Variants in DAB1 observed in about 807,000 individuals in gnomAD.
DAB1 encodes DAB adaptor protein 1, also known as disabled homolog 1.
A neutral mutation model predicts 64.6 loss-of-function variants in DAB1; 15 were observed. The observed-to-expected ratio is 0.23, with a 90% CI of 0.16 to 0.36. The LOEUF (loss-of-function observed/expected upper bound fraction) is 0.36, where lower values mean the gene tolerates loss of function less well. DAB1 is among the 10% of genes least tolerant of loss of function. The probability of loss-of-function intolerance (pLI) is 1.00; values close to 1 mark genes in which losing one functional copy is unlikely to be tolerated. For missense variants in DAB1, 596 were observed against 706.7 expected, an observed-to-expected ratio of 0.84 and a Z score of 1.78; for synonymous variants, 235 against 251.9, an observed-to-expected ratio of 0.93 and a Z score of 0.64.
intron 6 of DAB1, among the ~76,000 whole-genome samples, chr1:57,708,964 G>A (rs1375162587): frequency 2.6e-5 from 4 of 152,014 alleles, no homozygotes; most frequent in Non-Finnish European, 5.9e-5. Context: ...TGTTCCTGCA[G>A]GAAACAATCA....
chr1:58,419,577 T>G (rs1241358867), intron 3 of DAB1, among the ~76,000 whole-genome samples: 1 of 152,174 alleles, frequency 6.6e-6, no homozygotes, highest in African/African-American at 2.4e-5. Flanking sequence ...CAGGCTCCTC[T>G]CACATCTCTC....
chr1:58,141,630 A>C (rs897864436), intron 5 of DAB1, among the ~76,000 whole-genome samples: 1 of 152,046 alleles, frequency 6.6e-6, no homozygotes, highest in African/African-American at 2.4e-5. Context: ...TGATCCAATC[A>C]CCTCCAACCA....
intron 4 of DAB1, among the ~76,000 whole-genome samples, chr1:58,330,560 A>T (rs956441100): frequency 6.6e-6 from 1 of 152,244 alleles, no homozygotes; most frequent in Non-Finnish European, 1.5e-5. Flanking sequence ...AGAAAAGTCA[A>T]TGCCTGGTTT....
intron 4 of DAB1, among the ~76,000 whole-genome samples, chr1:58,217,778 A>G (rs1250517018): frequency 6.6e-6 from 1 of 152,172 alleles, no homozygotes; most frequent in Non-Finnish European, 1.5e-5. Flanking sequence ...CTTATTATGT[A>G]GCATGCACTT....
intron 5 of DAB1, among the ~76,000 whole-genome samples, chr1:57,998,167 T>C (rs1646454894): frequency 6.6e-6 from 1 of 152,154 alleles, no homozygotes; most frequent in African/African-American, 2.4e-5. Context: ...CACACGTAGG[T>C]ATAGGACAGT....
intron 3 of DAB1, among the ~76,000 whole-genome samples, chr1:58,405,216 T>C (rs939799149): frequency 3.3e-5 from 5 of 152,180 alleles, no homozygotes; most frequent in African/African-American, 1.2e-4. Flanking sequence ...ATTCTTCTCA[T>C]AGCTGGTTCC....
chr1:58,442,237 C>T (rs1480339980), intron 3 of DAB1, among the ~76,000 whole-genome samples: 3 of 152,192 alleles, frequency 2.0e-5, no homozygotes, highest in East Asian at 1.9e-4. Context: ...GCATCCAACT[C>T]AGGAAACTCA....
At chr1:57,085,852 A>G (rs1653021771) in intron 4 of DAB1, among the ~76,000 whole-genome samples, 1 of 152,202 alleles carries the variant, frequency 6.6e-6, no homozygotes, top group East Asian at 1.9e-4. Context: ...TTTATGCAAT[A>G]GTAAAGGCAT....
At position 57,693,782 on chromosome 1, in the gene DAB1, G is replaced by A. The variant is rs188153731; in HGVS notation, n.552-44117C>T. 3.8e-3 allele frequency among the ~76,000 whole-genome samples: 571 copies of A among 152,172 alleles called. 4 individuals are homozygous for A. The highest frequency in any genetic ancestry group is 0.013 in the African/African-American group (552 of 41,526). On this transcript the variant is annotated intron_variant and non_coding_transcript_variant, in intron 6 of 20. Transcript: ENST00000485760. ...GGAAGAAACTCTGGATGTGTCTGAAGGAACAAACTCCAGAAACACCATCTT... is the reference window on the plus strand; with the variant it reads ...GGAAGAAACTCTGGATGTGTCTGAAAGAACAAACTCCAGAAACACCATCTT...
intron 6 of DAB1, among the ~76,000 whole-genome samples, chr1:57,807,745 C>T (rs1651432540): frequency 6.6e-6 from 1 of 151,910 alleles, no homozygotes; most frequent in Non-Finnish European, 1.5e-5. Context: ...CCTTTAACGT[C>T]CTTCATCTCT....
intron 3 of DAB1, among the ~76,000 whole-genome samples, chr1:58,404,534 C>A (rs1461510159): frequency 6.6e-6 from 1 of 152,184 alleles, no homozygotes; most frequent in Non-Finnish European, 1.5e-5. Flanking sequence ...TCAGGGCTTA[C>A]CTAGATTAAG....
chr1:58,448,465 G>C (rs1645096503), intron 3 of DAB1, among the ~76,000 whole-genome samples: 1 of 152,172 alleles, frequency 6.6e-6, no homozygotes, highest in Non-Finnish European at 1.5e-5. Flanking sequence ...TTGGAGCACA[G>C]ATGAATCTGA....
At chr1:57,326,436 G>T (rs1339666709) in intron 1 of DAB1, among the ~76,000 whole-genome samples, 5 of 152,144 alleles carry the variant, frequency 3.3e-5, no homozygotes, top group Admixed American at 3.3e-4. Flanking sequence ...ACAGGTGACT[G>T]AAAGAGGGTA....
intron 4 of DAB1, among the ~76,000 whole-genome samples, chr1:57,127,579 C>T (rs1446340270): frequency 6.6e-6 from 1 of 152,052 alleles, no homozygotes. Flanking sequence ...AAAGTGGGGA[C>T]CTTCATTTAG....
intron 1 of DAB1, among the ~76,000 whole-genome samples, chr1:57,372,944 A>C (rs1421988173): frequency 6.6e-6 from 1 of 151,824 alleles, no homozygotes; most frequent in East Asian, 1.9e-4. Flanking sequence ...TGGGAGGCCG[A>C]GGTGAGAGGA....
intron 4 of DAB1, among the ~76,000 whole-genome samples, chr1:58,220,890 C>T (rs1233613488): frequency 1.4e-5 from 2 of 139,766 alleles, no homozygotes; most frequent in African/African-American, 5.2e-5. Flanking sequence ...CACACACACA[C>T]ATATATATAT....
At chr1:58,166,698 G>T (rs2100758341) in intron 4 of DAB1, among the ~76,000 whole-genome samples, 1 of 150,120 alleles carries the variant, frequency 6.7e-6, no homozygotes, top group African/African-American at 2.4e-5. Flanking sequence ...GAGTTGCTGG[G>T]TTATATGGTA....
chr1:58,366,789 T>A (rs1389465731), intron 3 of DAB1, among the ~76,000 whole-genome samples: 1 of 152,126 alleles, frequency 6.6e-6, no homozygotes, highest in Non-Finnish European at 1.5e-5. Flanking sequence ...AGACGTGGAG[T>A]CACTGTATTA....
intron 7 of DAB1, among the ~76,000 whole-genome samples, chr1:57,578,527 C>T (rs780238020): frequency 3.3e-5 from 5 of 152,216 alleles, no homozygotes; most frequent in Non-Finnish European, 5.9e-5. Flanking sequence ...CACGCCTGGC[C>T]TCTGCCACTT....
Sources: gnomAD v4.1 joint callset for allele counts (sites outside exome capture counted in the v4.1 genomes callset) on GRCh38, gnomAD v4.1.1 for gene constraint, MANE v1.5 for transcripts, NCBI Gene and HGNC (gene_info 2026-07-23, HGNC 2026-07-21) for gene names.